Variants in SARDH observed in about 807,000 individuals in gnomAD.
The protein encoded by SARDH is sarcosine dehydrogenase, mitochondrial.
A neutral mutation model predicts 109.1 loss-of-function variants in SARDH; 95 were observed. The observed-to-expected ratio is 0.87, with a 90% CI of 0.74 to 1.03. The LOEUF (loss-of-function observed/expected upper bound fraction) is 1.03. Among genes scored for constraint, SARDH ranks in the 50% least tolerant of loss-of-function variants. The pLI, the probability that SARDH is intolerant of heterozygous loss-of-function variation, is 0.00. For missense variants in SARDH, 1,267 were observed against 1,287.8 expected, an observed-to-expected ratio of 0.98 and a Z score of 0.25; for synonymous variants, 572 against 534.8, an observed-to-expected ratio of 1.07 and a Z score of -0.96.
intron 20 of SARDH, among the ~76,000 whole-genome samples, chr9:133,664,967 C>T (rs957121530): frequency 3.3e-5 from 5 of 152,158 alleles, no homozygotes; most frequent in African/African-American, 1.2e-4. Flanking sequence ...TTCCCCATCT[C>T]GGAGCCTTTC....
chr9:133,732,442 T>G lies in SARDH; in HGVS notation c.491A>C (p.Glu164Ala), dbSNP rs753440094. 3 of 1,388,484 alleles carry G rather than the reference T, an allele frequency of 2.2e-6. No individual in the cohort carries two copies. The African/African-American group carries it at 4.7e-5, about 22-fold the overall frequency. 86.0% of individuals were successfully genotyped at this position (1,388,484 alleles called of 1,614,324 possible). A position where few individuals can be genotyped will look rare whatever the true frequency, so the allele number is the denominator to read the frequency against. Reference sequence around the variant, plus strand: ...ACACACCGACATGAGCCTCTTGTACTCGTCCAGGCGCTGCCGGTTGGACGC... The same window carrying G: ...ACACACCGACATGAGCCTCTTGTACGCGTCCAGGCGCTGCCGGTTGGACGC... ...FIASNRQRLD[E>A]YKRLMSLGKA... Residue 164 changes from glutamate to alanine, a missense_variant, in exon 3 of 21, where the codon GAG becomes GCG. Glu to Ala is a moderately radical substitution (Grantham distance 107). Transcript: ENST00000439388.
rs1832780918 is a variant in SARDH at position 133,734,064 on chromosome 9, T to G, written c.110A>C (p.Glu37Ala). 1.9e-6 allele frequency: 3 copies of G among 1,613,260 alleles called. No homozygotes were observed. The highest frequency in any genetic ancestry group is 1.7e-4 in the Middle Eastern group (1 of 6,054). The change falls in exon 2 of 21, where the codon GAG (glutamate) becomes GCG (alanine). Residue 37 changes from glutamate to alanine, a missense_variant. By Grantham distance (107) the Glu-to-Ala change is moderately radical. Transcript: ENST00000439388. ...NLSSAAGPTA[E>A]KSVPYQRTLK... The stretch of plus-strand genomic sequence containing the variant: ...GGTCCGCTGATATGGCACACTCTTC[T>G]CGGCTGTGGGGCCAGCTGCGCTGGA...
intron 19 of SARDH, among the ~76,000 whole-genome samples, chr9:133,669,602 C>T (rs373760398): frequency 8.5e-5 from 13 of 152,142 alleles, no homozygotes; most frequent in African/African-American, 1.7e-4. Context: ...GGATCACGTG[C>T]GCCGGGCTCC....
In SARDH at chr9:133,702,974, G is replaced by C. The variant is rs763430792; in HGVS notation, c.1610C>G (p.Ala537Gly). 1.9e-6 allele frequency: 3 copies of C among 1,613,478 alleles called. No individual in the cohort carries two copies. In the East Asian group the frequency reaches 6.7e-5, roughly 36 times the overall value. The change falls in exon 13 of 21, where the codon GCC becomes GGC. Residue 537 changes from alanine to glycine, a missense_variant. By Grantham distance (60) the Ala-to-Gly change is moderately conservative (BLOSUM62 0). Coordinates refer to ENST00000439388, the MANE Select transcript of SARDH (RefSeq NM_001134707.2). ...CTCGTCTGCCAGCAGCCTGCGGTAGGCGTAGTCCTCGTGCGCGCGGCTCCC... is the reference window on the plus strand; with the variant it reads ...CTCGTCTGCCAGCAGCCTGCGGTAGCCGTAGTCCTCGTGCGCGCGGCTCCC... ...AYGSRAHEDY[A>G]YRRLLADEYT...
At position 133,664,215 on chromosome 9, in the gene SARDH, A is replaced by G. The variant is rs555794835; in HGVS notation, c.2632-201T>C. Among the ~76,000 whole-genome samples the G allele has an allele frequency of 3.3e-5, 5 of 152,310 alleles. No individual in the cohort carries two copies. In the South Asian group the frequency reaches 8.3e-4, roughly 25 times the overall value. The stretch of plus-strand genomic sequence containing the variant: ...GTGTCCATGTGATCTTGAGTTGGAC[A>G]TGGGCATCTGGGGTCCGGCAAAGCC... On this transcript the variant is annotated intron_variant, in intron 20 of 20. Transcript: ENST00000439388.
chr9:133,667,171 C>T, intron 19 of SARDH: 2 of 531,396 alleles, frequency 3.8e-6, no homozygotes, highest in South Asian at 2.8e-5. Context: ...CTTCCGATTT[C>T]CTTCCATTGT....
At chr9:133,735,885 A>T (rs1832867079) in intron 1 of SARDH, among the ~76,000 whole-genome samples, 1 of 27,602 alleles carries the variant, frequency 3.6e-5, no homozygotes. Flanking sequence ...CTCTACTAAA[A>T]ATACATTAGC....
intron 6 of SARDH, among the ~76,000 whole-genome samples, chr9:133,724,486 C>T (rs573533445): frequency 2.6e-4 from 39 of 151,978 alleles, no homozygotes; most frequent in African/African-American, 7.7e-4. Flanking sequence ...CTAGGATGAC[C>T]GGCATAAAAA....
intron 17 of SARDH, among the ~76,000 whole-genome samples, chr9:133,680,287 G>A (rs568278324): frequency 3.9e-5 from 6 of 151,962 alleles, no homozygotes; most frequent in Admixed American, 1.3e-4. Flanking sequence ...GAGCTCCACC[G>A]AGCCTTGGGT....
chr9:133,674,235 G>A (rs980831054), intron 17 of SARDH, among the ~76,000 whole-genome samples: 1 of 152,264 alleles, frequency 6.6e-6, no homozygotes, highest in Admixed American at 6.5e-5. Flanking sequence ...CGGGCTCCCA[G>A]TCAGCCGGGC....
intron 19 of SARDH, among the ~76,000 whole-genome samples, chr9:133,669,527 T>G (rs909352090): frequency 1.3e-5 from 2 of 151,562 alleles, no homozygotes; most frequent in Non-Finnish European, 2.9e-5. Flanking sequence ...CCTGATCTTC[T>G]CAGACTGCCC....
Position 133,663,653 on chromosome 9 carries a change from G to A in SARDH, c.*236C>T, listed in dbSNP as rs1829956554. On this transcript the variant is annotated 3_prime_UTR_variant, in exon 21 of 21. Coordinates refer to ENST00000439388, the MANE Select transcript of SARDH (RefSeq NM_001134707.2). Reference sequence around the variant, plus strand: ...GGTCCCTGAGCCCAAGACACTTACAGGTTTGCTTTCTGGGAGGATTGGGGT... The same window carrying A: ...GGTCCCTGAGCCCAAGACACTTACAAGTTTGCTTTCTGGGAGGATTGGGGT... The A allele has an allele frequency of 1.8e-6, 1 of 569,078 alleles. No individual in the cohort carries two copies. Among genetic ancestry groups the A allele is most frequent in the Non-Finnish European group, 3.1e-6 (1 of 321,604 alleles). 35.3% of individuals were successfully genotyped at this position (569,078 alleles called of 1,614,324 possible). A position where few individuals can be genotyped will look rare whatever the true frequency, so the allele number is the denominator to read the frequency against.
intron 6 of SARDH, among the ~76,000 whole-genome samples, chr9:133,724,444 C>T (rs1832422501): frequency 6.6e-6 from 1 of 152,140 alleles, no homozygotes; most frequent in Non-Finnish European, 1.5e-5. Flanking sequence ...AGATGCAAAT[C>T]AAACCCACGG....
At position 133,709,541 on chromosome 9, in the gene SARDH, T is replaced by C. The variant is rs1214685738; in HGVS notation, c.1329-1113A>G. On this transcript the variant is annotated intron_variant, in intron 10 of 20. Coordinates refer to ENST00000439388, the MANE Select transcript of SARDH (RefSeq NM_001134707.2). This position sits in a 1 kb window ranked among gnomAD's most constrained non-coding sequence, Gnocchi z 4.2. ...TCAGCAGCCACATCAGAGGCGTTTC[T>C]ATCCTCAGTGACACCTGTCAGGGCT... Among the ~76,000 whole-genome samples the C allele has an allele frequency of 6.6e-6, 1 of 152,196 alleles. No homozygotes were observed. Among genetic ancestry groups the C allele is most frequent in the Non-Finnish European group, 1.5e-5 (1 of 68,038 alleles).
chr9:133,708,445 G>A lies in SARDH; in HGVS notation c.1329-17C>T, dbSNP rs199566860. 41 of 1,603,234 alleles carry A rather than the reference G, an allele frequency of 2.6e-5. No individual in the cohort carries two copies. The African/African-American group carries it at 2.9e-4, about 11-fold the overall frequency. ...TGGAAGCGCCTGCCGCAGACAGGGG[G>A]ACGGGTCACTGCTTTGGGGATGGCC... On this transcript the variant is annotated splice_polypyrimidine_tract_variant and intron_variant, in intron 10 of 20. Transcript: ENST00000439388.
intron 19 of SARDH, among the ~76,000 whole-genome samples, 183 bp downstream of exon 19, chr9:133,670,401 G>A (rs1369516546): frequency 6.6e-6 from 1 of 152,086 alleles, no homozygotes; most frequent in East Asian, 1.9e-4. Context: ...CTGGCCAGAT[G>A]GCCTCTCTCT....
intron 1 of SARDH, 144 bp from the exon 2 acceptor site, chr9:133,734,347 A>AC (rs1832794459): frequency 1.1e-5 from 5 of 435,544 alleles, no homozygotes; most frequent in East Asian, 7.0e-5. Flanking sequence ...TCATTCACTC[A>AC]TTCATTCATT....
rs138919425 is a variant in SARDH, at chr9:133,674,708, G to A, written c.2164-3011C>T. On this transcript the variant is annotated intron_variant, in intron 17 of 20. Coordinates refer to ENST00000439388, the MANE Select transcript of SARDH (RefSeq NM_001134707.2). Reference sequence around the variant, plus strand: ...CACATGCAGAAGCGAGAAGCTGGTCGCGTACCTTACATCTTGTCCAAAAAT... The same window carrying A: ...CACATGCAGAAGCGAGAAGCTGGTCACGTACCTTACATCTTGTCCAAAAAT... Among the ~76,000 whole-genome samples the A allele has an allele frequency of 3.3e-4, 51 of 152,310 alleles. 1 individual carries two copies. In the Middle Eastern group the frequency reaches 0.01, roughly 30 times the overall value.
At chr9:133,719,855 T>C (rs1164489784) in intron 6 of SARDH, among the ~76,000 whole-genome samples, 3 of 152,026 alleles carry the variant, frequency 2.0e-5, no homozygotes, top group Non-Finnish European at 4.4e-5. Context: ...CTCACACCTG[T>C]AATCCCAGTG....
Sources: gnomAD v4.1 joint callset for allele counts (sites outside exome capture counted in the v4.1 genomes callset) on GRCh38, gnomAD v4.1.1 for gene constraint, Gnocchi (gnomAD v3.1) non-coding constraint, MANE v1.5 for transcripts, NCBI Gene and HGNC (gene_info 2026-07-23, HGNC 2026-07-21) for gene names.